The following CD1B variants were observed in gnomAD, a reference collection of about 807,000 sequenced individuals.
CD1B encodes the protein T-cell surface glycoprotein CD1b.
A neutral mutation model predicts 39.8 loss-of-function variants in CD1B; 43 were observed. That is an observed-to-expected ratio of 1.08 (90% CI 0.85 to 1.39). CD1B has a LOEUF of 1.39. CD1B is among the 40% of genes most tolerant of loss of function. The pLI is 0.00. For missense variants in CD1B, 495 were observed against 403.8 expected, an observed-to-expected ratio of 1.23 and a Z score of -1.94; for synonymous variants, 192 against 152.5, an observed-to-expected ratio of 1.26 and a Z score of -1.91.
chr1:158,316,035 G>T, the CD1B span, among the ~76,000 whole-genome samples: 1 of 151,978 alleles, frequency 6.6e-6, no homozygotes, highest in Non-Finnish European at 1.5e-5. Context: ...TTTGGTTCCA[G>T]TACCATGCTG....
At chr1:158,313,813 G>A in the CD1B span, among the ~76,000 whole-genome samples, 2 of 152,076 alleles carry the variant, frequency 1.3e-5, no homozygotes, top group African/African-American at 4.8e-5. Flanking sequence ...TCTTTAATGG[G>A]AGACTTTAAA....
chr1:158,328,330 T>C, intron 5 of CD1B, 73 bp from the exon 6 acceptor site: 1 of 1,267,870 alleles, frequency 7.9e-7, no homozygotes, highest in East Asian at 2.4e-5. Flanking sequence ...GTAATATTAT[T>C]CATGATAGTT....
downstream of CD1B, among the ~76,000 whole-genome samples, chr1:158,323,877 A>C (rs1006983821): frequency 2.6e-5 from 4 of 152,090 alleles, no homozygotes; most frequent in Non-Finnish European, 5.9e-5. Context: ...ATGTGGGAGG[A>C]GCTGGAGCTG....
chr1:158,307,183 G>A, the CD1B span, among the ~76,000 whole-genome samples: 2 of 148,434 alleles, frequency 1.3e-5, no homozygotes, highest in South Asian at 4.3e-4. Flanking sequence ...CAGACTGCTA[G>A]CAAGACTAAT....
chr1:158,285,582 G>C, the CD1B span, among the ~76,000 whole-genome samples: 1 of 152,146 alleles, frequency 6.6e-6, no homozygotes, highest in East Asian at 1.9e-4. Context: ...AAGCCCAGAA[G>C]AGACAGAAAA....
downstream of CD1B, among the ~76,000 whole-genome samples, chr1:158,322,953 G>C (rs1469286435): frequency 1.3e-5 from 2 of 152,020 alleles, no homozygotes; most frequent in African/African-American, 2.4e-5. Flanking sequence ...AGAGTCAAAG[G>C]GTATGTCTTG....
the CD1B span, among the ~76,000 whole-genome samples, chr1:158,302,716 T>C: frequency 1.3e-5 from 2 of 152,026 alleles, no homozygotes; most frequent in Non-Finnish European, 2.9e-5. Flanking sequence ...AAAATATACA[T>C]TCCCAAAATT....
downstream of CD1B, among the ~76,000 whole-genome samples, chr1:158,327,446 C>G (rs954540980): frequency 1.3e-5 from 2 of 151,712 alleles, no homozygotes; most frequent in Non-Finnish European, 2.9e-5. Flanking sequence ...TAAGTGGAAA[C>G]TATTTTAGCA....
the CD1B span, chr1:158,293,497 C>A: frequency 1.9e-6 from 3 of 1,614,118 alleles, no homozygotes; most frequent in Non-Finnish European, 2.5e-6. Flanking sequence ...CCTGACTCCC[C>A]CATTGTGTTA....
the CD1B span, among the ~76,000 whole-genome samples, chr1:158,306,470 CA>C: frequency 4.6e-5 from 7 of 152,146 alleles, no homozygotes; most frequent in African/African-American, 1.7e-4. Flanking sequence ...GACTCCCACA[CA>C]ATAATAATGG....
the CD1B span, chr1:158,292,365 G>T: frequency 6.2e-7 from 1 of 1,611,134 alleles, no homozygotes; most frequent in Non-Finnish European, 8.5e-7. Context: ...ACACAGGCAA[G>T]GTCAGTAGTT....
the CD1B span, among the ~76,000 whole-genome samples, chr1:158,317,897 T>C: frequency 6.6e-6 from 1 of 152,246 alleles, no homozygotes. Flanking sequence ...AACATCTTTA[T>C]TTCTGCCTTC....
the CD1B span, among the ~76,000 whole-genome samples, chr1:158,295,329 G>A: frequency 6.6e-6 from 1 of 152,088 alleles, no homozygotes; most frequent in Non-Finnish European, 1.5e-5. Context: ...CAAACACTAG[G>A]ACTTATTCTT....
chr1:158,286,701 T>G, the CD1B span, among the ~76,000 whole-genome samples: 1 of 152,120 alleles, frequency 6.6e-6, no homozygotes, highest in East Asian at 1.9e-4. Context: ...ATGGTGACTG[T>G]GTGGAGCAAA....
the CD1B span, among the ~76,000 whole-genome samples, chr1:158,289,569 A>T: frequency 2.0e-5 from 3 of 152,208 alleles, no homozygotes; most frequent in African/African-American, 4.8e-5. Context: ...CTTTGAGGAC[A>T]TTCAAAAGGG....
At chr1:158,314,799 C>T in the CD1B span, among the ~76,000 whole-genome samples, 1 of 137,542 alleles carries the variant, frequency 7.3e-6, no homozygotes, top group African/African-American at 2.6e-5. Flanking sequence ...AATGCTATCC[C>T]TACCCCCTCC....
chr1:158,291,478 C>A, the CD1B span: 1 of 1,418,950 alleles, frequency 7.0e-7, no homozygotes, highest in Admixed American at 1.8e-5. Context: ...AATTTTTGGG[C>A]CATTTCCCAT....
chr1:158,316,786 C>T, the CD1B span, among the ~76,000 whole-genome samples: 18 of 151,828 alleles, frequency 1.2e-4, no homozygotes, highest in Non-Finnish European at 1.8e-4. Context: ...ATGATATTGG[C>T]TGTGGGTTTG....
chr1:158,293,212 G>A, the CD1B span: 5 of 1,611,570 alleles, frequency 3.1e-6, no homozygotes, highest in Admixed American at 1.7e-5. Context: ...ATATGTGCAG[G>A]ACACCACTTT....
Sources: gnomAD v4.1 joint callset for allele counts (sites outside exome capture counted in the v4.1 genomes callset) on GRCh38, gnomAD v4.1.1 for gene constraint, MANE v1.5 for transcripts, NCBI Gene and HGNC (gene_info 2026-07-23, HGNC 2026-07-21) for gene names.